Variants in SPIDR observed in about 807,000 individuals in gnomAD.
The protein encoded by SPIDR is DNA repair-scaffolding protein.
A neutral mutation model predicts 104.6 loss-of-function variants in SPIDR; 93 were observed. The ratio of observed to expected loss-of-function variants is 0.89; its 90% confidence interval spans 0.75 to 1.06. The LOEUF is 1.06. SPIDR is among the 50% of genes least tolerant of loss of function. The pLI, the probability that SPIDR is intolerant of heterozygous loss-of-function variation, is 0.00. For synonymous variants in SPIDR, 431 were observed against 416.9 expected (o/e 1.03, Z -0.41); for missense variants, 1,154 against 1,111.2 (o/e 1.04, Z -0.55).
chr8:47,457,416 TTGTC>T (rs1251264627), intron 8 of SPIDR, among the ~76,000 whole-genome samples: 1 of 152,102 alleles, frequency 6.6e-6, no homozygotes, highest in Non-Finnish European at 1.5e-5. Flanking sequence ...CTTTTGAGAA[TTGTC>T]TGTTCATATC....
rs981102656 is a variant in SPIDR at position 47,260,981 on chromosome 8, G to T, written c.23G>T (p.Arg8Leu). Residue 8 changes from arginine (R) to leucine (L), a missense_variant, in exon 1 of 20, where the codon CGG (arginine) becomes CTG (leucine). Coordinates refer to ENST00000297423, the MANE Select transcript of SPIDR (RefSeq NM_001080394.4). MPRGSRA[R>L]GSKRKRSWNT... Reference sequence around the variant, plus strand: ...GAGATGCCCCGCGGCAGCCGCGCTCGGGGCTCTAAGGTAGGCTCTGGGGCG... The same window carrying T: ...GAGATGCCCCGCGGCAGCCGCGCTCTGGGCTCTAAGGTAGGCTCTGGGGCG... The T allele has an allele frequency of 3.3e-6, 4 of 1,230,230 alleles. No individual in the cohort carries two copies. Among genetic ancestry groups the T allele is most frequent in the Non-Finnish European group, 4.1e-6 (4 of 986,720 alleles). 76.2% of individuals were successfully genotyped at this position (1,230,230 alleles called of 1,614,324 possible).
chr8:47,639,386 G>A (rs963522718), intron 10 of SPIDR, among the ~76,000 whole-genome samples: 1 of 152,190 alleles, frequency 6.6e-6, no homozygotes, highest in Non-Finnish European at 1.5e-5. Flanking sequence ...CTAGGTAAGT[G>A]AAATGGTTCA....
chr8:47,416,284 T>A (rs1177747871), intron 7 of SPIDR, among the ~76,000 whole-genome samples: 1 of 152,152 alleles, frequency 6.6e-6, no homozygotes, highest in African/African-American at 2.4e-5. Context: ...ATATAGTTTA[T>A]AACCTTTTGG....
chr8:47,335,886 T>C (rs1417404443), intron 5 of SPIDR, among the ~76,000 whole-genome samples: 1 of 152,194 alleles, frequency 6.6e-6, no homozygotes, highest in Non-Finnish European at 1.5e-5. Flanking sequence ...TGTTAGATTT[T>C]TCTGTAGTTG....
chr8:47,419,758 T>A (rs1216186416), intron 7 of SPIDR, among the ~76,000 whole-genome samples: 1 of 152,214 alleles, frequency 6.6e-6, no homozygotes, highest in Non-Finnish European at 1.5e-5. Flanking sequence ...GGGCATTTAG[T>A]GCTATAAATT....
intron 10 of SPIDR, among the ~76,000 whole-genome samples, chr8:47,672,650 TGG>T (rs1302773836): frequency 6.6e-6 from 1 of 152,260 alleles, no homozygotes; most frequent in Non-Finnish European, 1.5e-5. Flanking sequence ...ATTCATATTT[TGG>T]GGACCTTTTA....
intron 2 of SPIDR, among the ~76,000 whole-genome samples, chr8:47,280,364 ACTACAGG>A (rs2037496460): frequency 6.7e-6 from 1 of 149,682 alleles, no homozygotes; most frequent in Non-Finnish European, 1.5e-5. Context: ...AATAGCTGGG[ACTACAGG>A]TATGTGCCGC....
chr8:47,506,222 G>A (rs2081459680), intron 8 of SPIDR, among the ~76,000 whole-genome samples: 1 of 152,202 alleles, frequency 6.6e-6, no homozygotes, highest in South Asian at 2.1e-4. Context: ...CTACTAGACA[G>A]TTCAGCACAA....
At chr8:47,558,689 G>T (rs1019106432) in intron 8 of SPIDR, among the ~76,000 whole-genome samples, 1 of 151,954 alleles carries the variant, frequency 6.6e-6, no homozygotes, top group African/African-American at 2.4e-5. Flanking sequence ...GCCCAGGCTG[G>T]ACTGCAGTGG....
At chr8:47,388,056 T>C (rs945332056) in intron 5 of SPIDR, among the ~76,000 whole-genome samples, 6 of 152,200 alleles carry the variant, frequency 3.9e-5, no homozygotes, top group Admixed American at 3.3e-4. Flanking sequence ...CCTTAGGTGC[T>C]TTCTTCTCTC....
chr8:47,685,835 A>C (rs2077736935), intron 11 of SPIDR, among the ~76,000 whole-genome samples: 1 of 147,850 alleles, frequency 6.8e-6, no homozygotes, highest in Non-Finnish European at 1.5e-5. Flanking sequence ...TACAGGTGTG[A>C]GCCACCGTAC....
intron 8 of SPIDR, among the ~76,000 whole-genome samples, chr8:47,554,507 G>A (rs1007351090): frequency 6.6e-6 from 1 of 152,214 alleles, no homozygotes; most frequent in Admixed American, 6.5e-5. Context: ...AGACTGCTGT[G>A]CTAGCATTGA....
intron 7 of SPIDR, among the ~76,000 whole-genome samples, chr8:47,435,521 A>T (rs1162024266): frequency 1.3e-5 from 2 of 152,202 alleles, no homozygotes; most frequent in Non-Finnish European, 2.9e-5. Context: ...GATAGAAATT[A>T]CTAGATCTCT....
Position 47,420,099 on chromosome 8 carries a change from G to T in SPIDR, c.877+12138G>T, listed in dbSNP as rs552065928. Among the ~76,000 whole-genome samples, 287 of 152,252 alleles carry T rather than the reference G, an allele frequency of 1.9e-3. 1 individual carries two copies. The highest frequency in any genetic ancestry group is 6.8e-3 in the Middle Eastern group (2 of 294). ...AGAAGAATGTATATTCTGTTGATTTGGGGTGGAGAGTTCTGTAGATGTCTA... is the reference window on the plus strand; with the variant it reads ...AGAAGAATGTATATTCTGTTGATTTTGGGTGGAGAGTTCTGTAGATGTCTA... On this transcript the variant is annotated intron_variant, in intron 7 of 19. Coordinates refer to ENST00000297423, the MANE Select transcript of SPIDR (RefSeq NM_001080394.4).
intron 10 of SPIDR, among the ~76,000 whole-genome samples, chr8:47,669,212 G>C (rs1398980165): frequency 6.6e-6 from 1 of 152,200 alleles, no homozygotes. Context: ...GGAAAAACAA[G>C]TAAGTCATGG....
In SPIDR at chr8:47,347,669, G is replaced by A. The variant is rs534500901; in HGVS notation, c.526-48707G>A. 8.5e-5 allele frequency among the ~76,000 whole-genome samples: 13 copies of A among 152,234 alleles called. No individual in the cohort carries two copies. In the South Asian group the frequency reaches 2.7e-3, roughly 32 times the overall value. On this transcript the variant is annotated intron_variant, in intron 5 of 19. Transcript: ENST00000297423. Reference sequence around the variant, plus strand: ...GGTGCATACATATTTAGGATAGTTAGCTCTTCTTGTTGATCCCTTTACCAT... The same window carrying A: ...GGTGCATACATATTTAGGATAGTTAACTCTTCTTGTTGATCCCTTTACCAT...
At position 47,718,635 on chromosome 8, in the gene SPIDR, C is replaced by T. The variant is rs532718759; in HGVS notation, c.2341+4994C>T. Among the ~76,000 whole-genome samples, 11 of 151,846 alleles carry T rather than the reference C, an allele frequency of 7.2e-5. No individual in the cohort carries two copies. In the East Asian group the frequency reaches 1.7e-3, roughly 24 times the overall value. Reference sequence around the variant, plus strand: ...AGTCACCTTTCATTTTTTCATTGCACGTTGATAAAACTTTATTTTATAAAG... The same window carrying T: ...AGTCACCTTTCATTTTTTCATTGCATGTTGATAAAACTTTATTTTATAAAG... On this transcript the variant is annotated intron_variant, in intron 16 of 19. Coordinates refer to ENST00000297423, the MANE Select transcript of SPIDR (RefSeq NM_001080394.4).
intron 3 of SPIDR, among the ~76,000 whole-genome samples, chr8:47,289,337 C>G (rs2039472828): frequency 6.6e-6 from 1 of 151,940 alleles, no homozygotes; most frequent in African/African-American, 2.4e-5. Context: ...AATATCTAAT[C>G]TCTTAATTTC....
At chr8:47,725,699 T>TAAA (rs2084130064) in intron 16 of SPIDR, among the ~76,000 whole-genome samples, 1 of 152,254 alleles carries the variant, frequency 6.6e-6, no homozygotes. Flanking sequence ...CTTAAGTGAA[T>TAAA]GTTTAATCAT....
Sources: gnomAD v4.1 joint callset for allele counts (sites outside exome capture counted in the v4.1 genomes callset) on GRCh38, gnomAD v4.1.1 for gene constraint, MANE v1.5 for transcripts, NCBI Gene and HGNC (gene_info 2026-07-23, HGNC 2026-07-21) for gene names.